The following PADI1 variants were observed in gnomAD, a reference collection of about 807,000 sequenced individuals.
PADI1 encodes protein-arginine deiminase type-1.
In PADI1, 65 loss-of-function variants were observed where a neutral mutation model predicts 74.8. That is an observed-to-expected ratio of 0.87 (90% CI 0.71 to 1.07). PADI1 has a LOEUF of 1.07. Ranked by LOEUF, PADI1 falls within the 50% of genes least tolerant of loss-of-function variation. The pLI, the probability that PADI1 is intolerant of heterozygous loss-of-function variation, is 0.00. For synonymous variants in PADI1, 371 were observed against 336.2 expected, an observed-to-expected ratio of 1.10 and a Z score of -1.13; for missense variants, 943 against 854.0, an observed-to-expected ratio of 1.10 and a Z score of -1.30.
intron 3 of PADI1, 86 bp from the exon 4 acceptor site, chr1:17,224,281 G>A (rs2072246863): frequency 9.1e-7 from 1 of 1,102,912 alleles, no homozygotes; most frequent in South Asian, 1.3e-5. Context: ...GCTTGGGGAG[G>A]GGTCAGAGTT....
intron 12 of PADI1, 28 bp from the exon 13 acceptor site, chr1:17,238,588 T>G: frequency 1.5e-6 from 2 of 1,346,702 alleles, no homozygotes; most frequent in East Asian, 2.8e-5. Context: ...CCCTGTCCAC[T>G]GAGCCATTCT....
intron 11 of PADI1, among the ~76,000 whole-genome samples, chr1:17,235,084 T>A (rs1041197195): frequency 4.8e-5 from 7 of 145,444 alleles, no homozygotes; most frequent in Non-Finnish European, 8.9e-5. Context: ...GCCACTGCAC[T>A]CCAGCCTAGG....
intron 1 of PADI1, among the ~76,000 whole-genome samples, chr1:17,206,797 G>A (rs1415735951): frequency 6.8e-6 from 1 of 148,042 alleles, no homozygotes; most frequent in Admixed American, 6.9e-5. Context: ...ATTCTCTGCC[G>A]CAGCCTCCAG....
chr1:17,228,502 C>A, intron 6 of PADI1, 123 bp from the exon 7 acceptor site: 1 of 912,536 alleles, frequency 1.1e-6, no homozygotes, highest in South Asian at 1.5e-5. Context: ...GCAGCTTGCA[C>A]GTGGCAGAGC....
At chr1:17,213,997 A>G (rs1264797233) in intron 1 of PADI1, among the ~76,000 whole-genome samples, 2 of 152,204 alleles carry the variant, frequency 1.3e-5, no homozygotes, top group Non-Finnish European at 2.9e-5. Context: ...GGCGGCGCAG[A>G]CGAGATGTGA....
intron 1 of PADI1, among the ~76,000 whole-genome samples, chr1:17,218,778 G>T (rs1272069720): frequency 6.6e-6 from 1 of 152,190 alleles, no homozygotes; most frequent in African/African-American, 2.4e-5. Context: ...GGGAGAAGGG[G>T]CAAGGCCAGT....
At chr1:17,226,216 C>T (rs2072307866) in intron 6 of PADI1, 58 bp downstream of exon 6, 7 of 1,566,530 alleles carry the variant, frequency 4.5e-6, no homozygotes, top group Non-Finnish European at 6.1e-6. Flanking sequence ...TCCTCTCCTC[C>T]CCCATCTCTC....
intron 9 of PADI1, 91 bp from the exon 10 acceptor site, chr1:17,230,481 C>A: frequency 2.3e-6 from 2 of 888,510 alleles, no homozygotes; most frequent in Admixed American, 2.8e-5. Context: ...AGACCCGCTG[C>A]CCTGCCCTGC....
chr1:17,205,357 T>A (rs769444635), intron 1 of PADI1, 48 bp downstream of exon 1: 15 of 1,440,804 alleles, frequency 1.0e-5, no homozygotes, highest in Non-Finnish European at 1.4e-5. Context: ...TGGGTTAGAG[T>A]GTAAGTCAAT....
At chr1:17,236,058 C>T (rs577434593) in intron 11 of PADI1, among the ~76,000 whole-genome samples, 38 of 152,254 alleles carry the variant, frequency 2.5e-4, no homozygotes, top group East Asian at 5.8e-4. Context: ...GTTAGCAGTA[C>T]GGTCAGAACC....
intron 7 of PADI1, 69 bp from the exon 8 acceptor site, chr1:17,228,879 G>A: frequency 5.0e-6 from 8 of 1,584,922 alleles, no homozygotes; most frequent in South Asian, 4.4e-5. Flanking sequence ...GGGCAGGCTG[G>A]GGGCTGGGGG....
intron 6 of PADI1, among the ~76,000 whole-genome samples, chr1:17,227,759 T>C (rs1046771020): frequency 1.3e-5 from 2 of 152,090 alleles, no homozygotes; most frequent in Non-Finnish European, 2.9e-5. Flanking sequence ...TGGTGGATGT[T>C]TAGGCAGAGG....
chr1:17,205,325 C>A lies in PADI1; in HGVS notation c.92+16C>A, dbSNP rs545150645. On this transcript the variant is annotated intron_variant, in intron 1 of 15. Coordinates refer to ENST00000375471, the MANE Select transcript of PADI1 (RefSeq NM_013358.3). ...ACATTCACAGGTAAGAGCTGGGAGGCGCTCTCCTGGCTGCAGAGAGCTGGG... is the reference window on the plus strand; with the variant it reads ...ACATTCACAGGTAAGAGCTGGGAGGAGCTCTCCTGGCTGCAGAGAGCTGGG... The A allele has an allele frequency of 2.5e-6, 4 of 1,599,134 alleles. No individual in the cohort carries two copies. The highest frequency in any genetic ancestry group is 2.6e-6 in the Non-Finnish European group (3 of 1,166,706).
At chr1:17,236,310 G>C (rs1017460835) in intron 11 of PADI1, among the ~76,000 whole-genome samples, 1 of 152,196 alleles carries the variant, frequency 6.6e-6, no homozygotes, top group Non-Finnish European at 1.5e-5. Context: ...TCCCTCACCT[G>C]TAAAATGGGG....
chr1:17,216,005 T>A (rs552511192), intron 1 of PADI1, among the ~76,000 whole-genome samples: 1 of 152,250 alleles, frequency 6.6e-6, no homozygotes, highest in South Asian at 2.1e-4. Context: ...AGGCCTCGTA[T>A]GCTACCCTGA....
chr1:17,206,979 C>T (rs948777364), intron 1 of PADI1, among the ~76,000 whole-genome samples: 2 of 152,178 alleles, frequency 1.3e-5, no homozygotes, highest in South Asian at 2.1e-4. Flanking sequence ...CCGTACCTGG[C>T]CACTAAAGCT....
intron 8 of PADI1, 75 bp downstream of exon 8, chr1:17,229,126 G>A (rs983363653): frequency 3.0e-5 from 27 of 891,070 alleles, no homozygotes; most frequent in Middle Eastern, 2.6e-4. Flanking sequence ...TCAGGGCTGC[G>A]CCCCTCACTC....
intron 4 of PADI1, among the ~76,000 whole-genome samples, 169 bp from the exon 5 acceptor site, chr1:17,225,642 A>T (rs1444048526): frequency 1.3e-5 from 2 of 152,182 alleles, no homozygotes; most frequent in Admixed American, 1.3e-4. Context: ...GTGGGTCTAG[A>T]GCCTTATCTG....
rs373990524 is a variant in PADI1, at chr1:17,223,693, G to A, written c.346G>A (p.Asp116Asn). 13 of 1,613,404 alleles carry A rather than the reference G, an allele frequency of 8.1e-6. No individual in the cohort carries two copies. The highest frequency in any genetic ancestry group is 2.7e-5 in the African/African-American group (2 of 74,898). ...GRSVLYLTGV[D>N]ISLEVDTGRT... Reference sequence around the variant, plus strand: ...CAGCGTGCTTTACCTCACTGGCGTCGGTAAGTAGCAGCTCCCTGGCTGCCC... The same window carrying A: ...CAGCGTGCTTTACCTCACTGGCGTCAGTAAGTAGCAGCTCCCTGGCTGCCC... The change falls in exon 3 of 16, where the codon GAT becomes AAT. Residue 116 changes from aspartate to asparagine, a missense_variant and splice_region_variant. By Grantham distance (23) the Asp-to-Asn change is conservative. Coordinates refer to ENST00000375471, the MANE Select transcript of PADI1 (RefSeq NM_013358.3).
Sources: allele counts gnomAD v4.1 joint callset (sites outside exome capture counted in the v4.1 genomes callset), GRCh38; gene constraint gnomAD v4.1.1; transcripts MANE v1.5; gene names NCBI Gene and HGNC (gene_info 2026-07-23, HGNC 2026-07-21).